Variants in MTA3 observed in about 807,000 individuals in gnomAD.
MTA3 encodes metastasis associated 1 family member 3.
Under a neutral mutation model 83.5 loss-of-function variants are expected in MTA3, and 34 were observed. The ratio of observed to expected loss-of-function variants is 0.41; its 90% CI spans 0.31 to 0.54. MTA3 has a LOEUF of 0.54. Ranked by LOEUF, MTA3 falls within the 20% of genes least tolerant of loss-of-function variation. The pLI is 0.33. For synonymous variants in MTA3, 303 were observed against 252.7 expected (o/e 1.20, Z -1.89); for missense variants, 761 against 726.4 (o/e 1.05, Z -0.55).
At chr2:42,594,728 A>ATATATATATATATATATATATATATT in intron 3 of MTA3, among the ~76,000 whole-genome samples, 1 of 24,044 alleles carries the variant, frequency 4.2e-5, no homozygotes. Context: ...ATATATATAT[A>ATATATATATATATATATATATATATT]TTTTTTTTTT....
chr2:42,624,152 C>G (rs1390551999), intron 4 of MTA3, among the ~76,000 whole-genome samples: 1 of 151,998 alleles, frequency 6.6e-6, no homozygotes, highest in Non-Finnish European at 1.5e-5. Context: ...CAATTATTGC[C>G]TAGTGATCCA....
At chr2:42,696,922 TAAA>T (rs1693436501) in intron 10 of MTA3, among the ~76,000 whole-genome samples, 1 of 152,188 alleles carries the variant, frequency 6.6e-6, no homozygotes, top group Admixed American at 6.5e-5. Context: ...CCTATTTTAT[TAAA>T]AAAGAGTCTC....
Position 42,754,910 on chromosome 2 carries a change from C to A in MTA3, c.*1511C>A. Reference sequence around the variant, plus strand: ...GGCGGTTTTGCAGACATCTCAGCTTCTTTTCTGAGGAGGAGTTGGTTCTCA... The same window carrying A: ...GGCGGTTTTGCAGACATCTCAGCTTATTTTCTGAGGAGGAGTTGGTTCTCA... On this transcript the variant is annotated 3_prime_UTR_variant, in exon 17 of 17. Transcript: ENST00000405094. The A allele has an allele frequency of 2.0e-6, 2 of 985,566 alleles. No homozygotes were observed. Among genetic ancestry groups the A allele is most frequent in the Non-Finnish European group, 2.4e-6 (2 of 830,086 alleles). The allele number at this position is 985,566 out of a possible 1,614,324, so 61.1% of individuals were successfully genotyped here.
intron 12 of MTA3, among the ~76,000 whole-genome samples, chr2:42,705,379 C>G (rs1416424436): frequency 1.3e-5 from 2 of 152,182 alleles, no homozygotes; most frequent in Non-Finnish European, 2.9e-5. Context: ...AAGAATCCTG[C>G]AGACAAGTGG....
At chr2:42,624,509 C>G (rs182969585) in intron 4 of MTA3, among the ~76,000 whole-genome samples, 18 of 152,046 alleles carry the variant, frequency 1.2e-4, no homozygotes, top group Admixed American at 1.2e-3. Flanking sequence ...TCAGTAGAGA[C>G]AGGGTTTCAC....
intron 16 of MTA3, among the ~76,000 whole-genome samples, chr2:42,725,609 C>T (rs1667752197): frequency 6.6e-6 from 1 of 152,202 alleles, no homozygotes; most frequent in Non-Finnish European, 1.5e-5. Flanking sequence ...AACCCAGAAG[C>T]TCAAGGAGGG....
chr2:42,533,053 C>G, intron 2 of MTA3: 1 of 178,602 alleles, frequency 5.6e-6, no homozygotes, highest in Non-Finnish European at 1.2e-5. Flanking sequence ...CAGACTTCCA[C>G]TTTTGCCATG....
At chr2:42,690,914 T>C (rs1692833954) in intron 9 of MTA3, among the ~76,000 whole-genome samples, 1 of 147,504 alleles carries the variant, frequency 6.8e-6, no homozygotes, top group South Asian at 2.2e-4. Flanking sequence ...TCTCACTCTG[T>C]TGCCCAAGCT....
In MTA3 at chr2:42,755,476, G is replaced by T. The variant is rs946989419; in HGVS notation, c.*2077G>T. The T allele has an allele frequency of 2.0e-6, 2 of 985,384 alleles. No individual in the cohort carries two copies. Among genetic ancestry groups the T allele is most frequent in the Non-Finnish European group, 2.4e-6 (2 of 829,984 alleles). 61.0% of individuals were successfully genotyped at this position (985,384 alleles called of 1,614,324 possible). On this transcript the variant is annotated 3_prime_UTR_variant, in exon 17 of 17. Coordinates refer to ENST00000405094, the MANE Select transcript of MTA3 (RefSeq NM_001330442.2). ...TTTGGCTTTGGGAAAAGCGCAGCTT[G>T]TTCGAGCCACGTGTGCCAAGCAGGC...
At chr2:42,715,181 A>T (rs954130567) in intron 14 of MTA3, among the ~76,000 whole-genome samples, 5 of 152,168 alleles carry the variant, frequency 3.3e-5, no homozygotes, top group Admixed American at 1.3e-4. Flanking sequence ...ACTGTCTGAC[A>T]AGTGGCAGCA....
intron 3 of MTA3, among the ~76,000 whole-genome samples, chr2:42,599,391 G>A (rs1682260849): frequency 2.0e-5 from 3 of 152,016 alleles, no homozygotes; most frequent in Admixed American, 2.0e-4. Context: ...TCAGGAGATC[G>A]AGACCATCCT....
intron 14 of MTA3, among the ~76,000 whole-genome samples, chr2:42,711,782 G>GTTTGTGTGTGTGTGT (rs1340324159): frequency 1.4e-5 from 2 of 145,994 alleles, no homozygotes; most frequent in African/African-American, 2.7e-5. Flanking sequence ...GAGAGAGAGA[G>GTTTGTGTGTGTGTGT]AGTGTGTGTG....
chr2:42,714,250 G>A (rs775114757), intron 14 of MTA3, among the ~76,000 whole-genome samples: 1 of 151,936 alleles, frequency 6.6e-6, no homozygotes, highest in Non-Finnish European at 1.5e-5. Context: ...CTGACTTGTG[G>A]GAACTTTTTA....
intron 4 of MTA3, among the ~76,000 whole-genome samples, chr2:42,622,242 A>C (rs1685641819): frequency 6.6e-6 from 1 of 152,020 alleles, no homozygotes. Flanking sequence ...GTCTCCACCA[A>C]AAAAAATACG....
chr2:42,623,491 C>T (rs1285590414), intron 4 of MTA3, among the ~76,000 whole-genome samples: 2 of 152,168 alleles, frequency 1.3e-5, no homozygotes, highest in Non-Finnish European at 2.9e-5. Flanking sequence ...CAGTGCTCTC[C>T]TAGCTTGCAA....
intron 9 of MTA3, among the ~76,000 whole-genome samples, chr2:42,694,759 T>G (rs731205): frequency 0.61 from 92,679 of 151,992 alleles, 28,522 homozygotes; most frequent in South Asian, 0.8. Context: ...GAAGCTGAAA[T>G]AACTCAGGCT....
At chr2:42,541,902 C>T (rs1441273281) in intron 2 of MTA3, among the ~76,000 whole-genome samples, 3 of 152,146 alleles carry the variant, frequency 2.0e-5, no homozygotes, top group Non-Finnish European at 4.4e-5. Flanking sequence ...GGCTCTGTGG[C>T]TGTGAACAAT....
intron 3 of MTA3, among the ~76,000 whole-genome samples, chr2:42,602,173 C>T (rs948596618): frequency 6.6e-6 from 1 of 151,960 alleles, no homozygotes; most frequent in Non-Finnish European, 1.5e-5. Context: ...GATGGGGTTT[C>T]ATCCTGTTGC....
At chr2:42,731,165 G>T (rs1668204849) in intron 16 of MTA3, among the ~76,000 whole-genome samples, 1 of 151,862 alleles carries the variant, frequency 6.6e-6, no homozygotes, top group Admixed American at 6.6e-5. Context: ...TTGTTCCATT[G>T]ACCTTTTGTA....
Sources: allele counts gnomAD v4.1 joint callset (sites outside exome capture counted in the v4.1 genomes callset), GRCh38; gene constraint gnomAD v4.1.1; transcripts MANE v1.5; gene names NCBI Gene and HGNC (gene_info 2026-07-23, HGNC 2026-07-21).